Variants in KDM6A observed in about 807,000 individuals in gnomAD.
The protein encoded by KDM6A is lysine demethylase 6A.
KDM6A carries 11 observed loss-of-function variants against 117.6 expected under a neutral mutation model. The observed-to-expected ratio is 0.09, with a 90% CI of 0.06 to 0.15. The LOEUF (loss-of-function observed/expected upper bound fraction) is 0.15, where lower values mean the gene tolerates loss of function less well. KDM6A is among the 10% of genes least tolerant of loss of function. The probability of loss-of-function intolerance (pLI) is 1.00; values close to 1 mark genes in which losing one functional copy is unlikely to be tolerated. For synonymous variants in KDM6A, 384 were observed against 396.1 expected (o/e 0.97, Z 0.36); for missense variants, 799 against 1,077.3 (o/e 0.74, Z 3.62).
chrX:45,091,264 T>A (rs759925386), intron 27 of KDM6A, among the ~76,000 whole-genome samples: 6 of 111,997 alleles, frequency 5.4e-5, no homozygotes, highest in East Asian at 2.8e-4. Flanking sequence ...GCTGATTTTT[T>A]AATTTTTAAT....
At chrX:45,088,322 G>A (rs945994788) in intron 25 of KDM6A, among the ~76,000 whole-genome samples, 20 of 112,830 alleles carry the variant, frequency 1.8e-4, no homozygotes, top group Non-Finnish European at 3.8e-4. Flanking sequence ...GAAAAAGAGA[G>A]ACTAAGGTTC....
chrX:44,896,075 AT>A lies in KDM6A; in HGVS notation c.225+22104del, dbSNP rs34097389. 8.7e-3 allele frequency among the ~76,000 whole-genome samples: 867 copies of A among 99,353 alleles called. 3 individuals are homozygous for A. The highest frequency in any genetic ancestry group is 0.021 in the African/African-American group (570 of 27,314). 86.3% of individuals were successfully genotyped at this position (99,353 alleles called of 115,157 possible). ...TTTGCCCTCTTTACTTTAAAAATAAATTTTTTTTTTTTTTTTGAGACAGAGT... is the reference window on the plus strand; with the variant it reads ...TTTGCCCTCTTTACTTTAAAAATAAATTTTTTTTTTTTTTTGAGACAGAGT... On this transcript the variant is annotated intron_variant, in intron 2 of 29. Transcript: ENST00000611820.
intron 8 of KDM6A, among the ~76,000 whole-genome samples, chrX:45,042,431 A>G (rs1474956439): frequency 9.0e-6 from 1 of 110,851 alleles, no homozygotes; most frequent in African/African-American, 3.3e-5. Context: ...AAAACTCTAC[A>G]CCAGTGATTA....
chrX:45,049,634 A>G (rs2043744982), intron 8 of KDM6A, among the ~76,000 whole-genome samples: 1 of 111,875 alleles, frequency 8.9e-6, no homozygotes, highest in African/African-American at 3.3e-5. Context: ...TGGTTTTCCT[A>G]AAATTTAAAT....
At chrX:44,912,723 C>T (rs1028886874) in intron 2 of KDM6A, among the ~76,000 whole-genome samples, 18 of 111,934 alleles carry the variant, frequency 1.6e-4, no homozygotes, top group African/African-American at 5.2e-4. Flanking sequence ...AGAGAATCAG[C>T]TTATTTTCCT....
Position 45,035,057 on chromosome X carries a change from G to A in KDM6A, c.619+72G>A, listed in dbSNP as rs930764123. ...TTCATGGCAAATAACAATAATGTTA[G>A]TGATAAATTCTGTGCAATTTTTTCT... On this transcript the variant is annotated intron_variant, in intron 7 of 29. Coordinates refer to ENST00000611820, the MANE Select transcript of KDM6A (RefSeq NM_001291415.2). 6.9e-6 allele frequency: 6 copies of A among 866,050 alleles called. No homozygotes were observed. In the Middle Eastern group the frequency reaches 8.4e-4, roughly 121 times the overall value. The allele number at this position is 866,050 out of a possible 1,213,427, so 71.4% of individuals were successfully genotyped here.
intron 8 of KDM6A, among the ~76,000 whole-genome samples, chrX:45,046,543 T>C (rs1227687235): frequency 9.0e-6 from 1 of 111,525 alleles, no homozygotes; most frequent in African/African-American, 3.3e-5. Context: ...CAGGAAAAAA[T>C]TCTATTTAGA....
intron 18 of KDM6A, among the ~76,000 whole-genome samples, chrX:45,070,590 C>T (rs2044775321): frequency 9.0e-6 from 1 of 111,020 alleles, no homozygotes; most frequent in Admixed American, 9.6e-5. Context: ...CTGTTACTGC[C>T]CTCTACTGGT....
chrX:45,041,477 C>T (rs1488638563), intron 8 of KDM6A, among the ~76,000 whole-genome samples: 17 of 106,738 alleles, frequency 1.6e-4, no homozygotes, highest in South Asian at 1.3e-3. Flanking sequence ...CGGGCGGAGA[C>T]GCTCCTCACT....
chrX:45,077,556 A>G (rs2148108123), intron 19 of KDM6A, among the ~76,000 whole-genome samples: 1 of 110,544 alleles, frequency 9.0e-6, no homozygotes, highest in African/African-American at 3.3e-5. Flanking sequence ...GAGGCCAAAT[A>G]TTATCATATT....
At chrX:45,024,640 G>A (rs1438447580) in intron 6 of KDM6A, among the ~76,000 whole-genome samples, 9 of 109,019 alleles carry the variant, frequency 8.3e-5, no homozygotes, top group Non-Finnish European at 5.8e-5. Flanking sequence ...AAGCTCTTTG[G>A]TTTAATTAGG....
chrX:45,046,014 A>G lies in KDM6A; in HGVS notation c.655-5695A>G, dbSNP rs910546211. Among the ~76,000 whole-genome samples the G allele has an allele frequency of 7.2e-5, 8 of 111,860 alleles. No individual in the cohort carries two copies. In the East Asian group the frequency reaches 1.1e-3, roughly 16 times the overall value. ...AAAAGACAGTATAATAAGAGAGTCA[A>G]TATACAGACTGATATCATGATGAAT... On this transcript the variant is annotated intron_variant, in intron 8 of 29. Transcript: ENST00000611820.
At chrX:44,988,396 T>A (rs189804895) in intron 4 of KDM6A, among the ~76,000 whole-genome samples, 1 of 111,629 alleles carries the variant, frequency 9.0e-6, no homozygotes, top group East Asian at 2.8e-4. Flanking sequence ...ATCTGAAGCC[T>A]TCTTCTCTCA....
intron 2 of KDM6A, among the ~76,000 whole-genome samples, chrX:44,912,057 GGAGGGAGAGGGA>G (rs1372241636): frequency 9.4e-6 from 1 of 106,381 alleles, no homozygotes; most frequent in Non-Finnish European, 1.9e-5. Context: ...GGGGAGAGGG[GGAGGGAGAGGGA>G]GAGGTTATAA....
chrX:45,093,118 A>G (rs1159273871), intron 27 of KDM6A, among the ~76,000 whole-genome samples: 2 of 110,766 alleles, frequency 1.8e-5, no homozygotes, highest in Non-Finnish European at 3.8e-5. Flanking sequence ...GCAGTGGCTC[A>G]TCCCTATAAT....
In KDM6A at chrX:44,895,136, C is replaced by T. The variant is rs1431405965; in HGVS notation, c.225+21149C>T. On this transcript the variant is annotated intron_variant, in intron 2 of 29. Coordinates refer to ENST00000611820, the MANE Select transcript of KDM6A (RefSeq NM_001291415.2). ...TTTATTTATTTTAGAGACAGAGTCT[C>T]GCTCTGTCGCCCAGGCTGGAGTGCA... 4.1e-5 allele frequency among the ~76,000 whole-genome samples: 4 copies of T among 96,581 alleles called. No homozygotes were observed. The East Asian group carries it at 1.0e-3, about 25-fold the overall frequency. The allele number at this position is 96,581 out of a possible 115,157, so 83.9% of individuals were successfully genotyped here.
At position 45,027,664 on chromosome X, in the gene KDM6A, C is replaced by T. The variant is rs141034706; in HGVS notation, c.564+6934C>T. ...TGAGATTTGGCTTAGAACATGGGAC[C>T]GGGAAGGGAAAGAAATTCTTCAAGA... On this transcript the variant is annotated intron_variant, in intron 6 of 29. Transcript: ENST00000611820. Among the ~76,000 whole-genome samples, 18 of 110,926 alleles carry T rather than the reference C, an allele frequency of 1.6e-4. No individual in the cohort carries two copies. The East Asian group carries it at 4.8e-3, about 30-fold the overall frequency.
rs866487531 is a variant in KDM6A at position 44,986,456 on chromosome X, T to C, written c.384+11741T>C. On this transcript the variant is annotated intron_variant, in intron 4 of 29. Transcript: ENST00000611820. ...GTTATTTCTTGCCTTCTGCTAGCTT[T>C]TGAATGTGTTTGCTCTTGCTTCTCT... Among the ~76,000 whole-genome samples, 700 of 111,581 alleles carry C rather than the reference T, an allele frequency of 6.3e-3. 6 individuals are homozygous for C. The highest frequency in any genetic ancestry group is 0.022 in the African/African-American group (680 of 30,686).
intron 2 of KDM6A, among the ~76,000 whole-genome samples, chrX:44,899,458 G>A (rs936755575): frequency 1.8e-5 from 2 of 109,547 alleles, no homozygotes; most frequent in Admixed American, 9.9e-5. Context: ...GAGTAGGATG[G>A]GTTTTGCCAG....
Sources: gnomAD v4.1 joint callset for allele counts (sites outside exome capture counted in the v4.1 genomes callset) on GRCh38, gnomAD v4.1.1 for gene constraint, MANE v1.5 for transcripts, NCBI Gene and HGNC (gene_info 2026-07-23, HGNC 2026-07-21) for gene names.